The following NEK9 variants were observed in gnomAD, a reference collection of about 807,000 sequenced individuals.
NEK9 encodes NIMA related kinase 9, also known as serine/threonine-protein kinase Nek9.
In NEK9, 75 loss-of-function variants were observed where a neutral mutation model predicts 123.4. The ratio of observed to expected loss-of-function variants is 0.61; its 90% CI spans 0.50 to 0.74. The LOEUF is 0.74. Among genes scored for constraint, NEK9 ranks in the 30% least tolerant of loss-of-function variants. The pLI is 0.00. For synonymous variants in NEK9, 438 were observed against 458.7 expected (o/e 0.95, Z 0.58); for missense variants, 952 against 1,214.4 (o/e 0.78, Z 3.21).
rs774448002 is a variant in NEK9 at position 75,083,371 on chromosome 14, C to T, written c.*1193G>A. On this transcript the variant is annotated 3_prime_UTR_variant, in exon 22 of 22. Coordinates refer to ENST00000238616, the MANE Select transcript of NEK9 (RefSeq NM_033116.6). ...GGTAAAGCTAGCTTGTTTCTATCTA[C>T]AAAGACACAGTGAGTACAGGATTAG... The T allele has an allele frequency of 9.8e-6, 3 of 307,348 alleles. No individual in the cohort carries two copies. Among genetic ancestry groups the T allele is most frequent in the African/African-American group, 6.4e-5 (3 of 46,686 alleles). 19.0% of individuals were successfully genotyped at this position (307,348 alleles called of 1,614,324 possible).
At position 75,106,702 on chromosome 14, in the gene NEK9, T is replaced by C. The variant is rs1268463017; in HGVS notation, c.1328A>G (p.Asp443Gly). The change falls in exon 12 of 22, where the codon GAT (aspartate) becomes GGT (glycine). Residue 443 changes from aspartate (D) to glycine (G), a missense_variant and splice_region_variant. Physicochemically the swap from Asp to Gly is moderately conservative, Grantham distance 94 (BLOSUM62 -1). This residue lies in a region of NEK9 where 698 missense variants were observed against 875.6 expected (regional missense o/e 0.80). Coordinates refer to ENST00000238616, the MANE Select transcript of NEK9 (RefSeq NM_033116.6). Reference sequence around the variant, plus strand: ...TCCGAAGGCATAGAGCTGACCCTCATCTGCAAAAGAAAGGAAAACAGAATC... The same window carrying C: ...TCCGAAGGCATAGAGCTGACCCTCACCTGCAAAAGAAAGGAAAACAGAATC... ...CGDDFTVCVT[D>G]EGQLYAFGSD... 1.2e-6 allele frequency: 2 copies of C among 1,606,132 alleles called. No homozygotes were observed. The highest frequency in any genetic ancestry group is 2.2e-5 in the South Asian group (2 of 90,588).
rs1033552334 is a variant in NEK9 at position 75,116,416 on chromosome 14, C to A, written c.762+779G>T. The A allele has an allele frequency of 1.2e-5, 3 of 244,838 alleles. No individual in the cohort carries two copies. In the Admixed American group the frequency reaches 1.4e-4, roughly 12 times the overall value. 15.2% of individuals were successfully genotyped at this position (244,838 alleles called of 1,614,324 possible). On this transcript the variant is annotated intron_variant, in intron 6 of 21. Coordinates refer to ENST00000238616, the MANE Select transcript of NEK9 (RefSeq NM_033116.6). Reference sequence around the variant, plus strand: ...CACGACACTGCACTCCAGGCCTGGGCAACAGAGTGAGACCCAAATAAAACA... The same window carrying A: ...CACGACACTGCACTCCAGGCCTGGGAAACAGAGTGAGACCCAAATAAAACA...
chr14:75,109,889 C>G lies in NEK9; in HGVS notation c.990-12G>C. On this transcript the variant is annotated splice_polypyrimidine_tract_variant and intron_variant, in intron 9 of 21. Coordinates refer to ENST00000238616, the MANE Select transcript of NEK9 (RefSeq NM_033116.6). ...TCACAGTGCTTGACCTGCCAACAAC[C>G]CCCAGAACAAAGGAACATTTAACAT... The G allele has an allele frequency of 1.3e-6, 2 of 1,588,484 alleles. No individual in the cohort carries two copies. Among genetic ancestry groups the G allele is most frequent in the East Asian group, 2.2e-5 (1 of 44,464 alleles).
rs143597394 is a variant in NEK9, at chr14:75,124,193, C to A, written c.250G>T (p.Asp84Tyr). Residue 84 changes from aspartate to tyrosine, a missense_variant, in exon 2 of 22, where the codon GAT becomes TAT. Physicochemically the swap from Asp to Tyr is radical, Grantham distance 160. Coordinates refer to ENST00000238616, the MANE Select transcript of NEK9 (RefSeq NM_033116.6). ...DDSLVVWKEV[D>Y]LTRLSEKERR... ...TCCTTCTCAGACAGCCGGGTCAAAT[C>A]GACTTCCTTCCACACAACCAGTGAG... The A allele has an allele frequency of 6.2e-7, 1 of 1,613,998 alleles. No individual in the cohort carries two copies. The highest frequency in any genetic ancestry group is 8.5e-7 in the Non-Finnish European group (1 of 1,179,914).
chr14:75,105,896 T>C, intron 13 of NEK9, 54 bp downstream of exon 13: 1 of 1,333,364 alleles, frequency 7.5e-7, no homozygotes, highest in Non-Finnish European at 1.1e-6. Context: ...GACATATTAT[T>C]GGAGTCTGTG....
At chr14:75,084,725 C>A in intron 21 of NEK9, 39 bp from the exon 22 acceptor site, 38 of 1,613,128 alleles carry the variant, frequency 2.4e-5, no homozygotes, top group Non-Finnish European at 3.2e-5. Flanking sequence ...AGCAACAGTG[C>A]CACCTAGTCA....
rs906488638 is a variant in NEK9 at position 75,126,753 on chromosome 14, C to G, written c.169G>C (p.Val57Leu). 6.6e-6 allele frequency: 10 copies of G among 1,505,260 alleles called. No homozygotes were observed. The highest frequency in any genetic ancestry group is 8.9e-6 in the Non-Finnish European group (10 of 1,128,050). The allele number at this position is 1,505,260 out of a possible 1,614,324, so 93.2% of individuals were successfully genotyped here. ...TCCCCGAAGGCGCCGCGGCCCAGGA[C>G]GCGGATGGGGATGTAGTGCAGTTCC... ...QEELHYIPIRVLGRGAFGEAT... is the reference protein window; with the variant it reads ...QEELHYIPIRLLGRGAFGEAT... Residue 57 changes from valine (V) to leucine (L), a missense_variant, in exon 1 of 22, where the codon GTC (valine) becomes CTC (leucine). By Grantham distance (32) the Val-to-Leu change is conservative. This residue lies in a region of NEK9 where 120 missense variants were observed against 97.6 expected (regional missense o/e 1.23). Transcript: ENST00000238616.
chr14:75,114,362 C>A (rs775062861), intron 6 of NEK9, 49 bp from the exon 7 acceptor site: 2 of 1,380,304 alleles, frequency 1.4e-6, no homozygotes, highest in Non-Finnish European at 1.0e-6. Flanking sequence ...AAAGATGATG[C>A]TATACTCTAC....
rs928914215 is a variant in NEK9 at position 75,082,077 on chromosome 14, A to G, written c.*2487T>C. 1.3e-5 allele frequency: 2 copies of G among 152,238 alleles called. No individual in the cohort carries two copies. The highest frequency in any genetic ancestry group is 2.4e-5 in the African/African-American group (1 of 41,470). 9.4% of individuals were successfully genotyped at this position (152,238 alleles called of 1,614,324 possible). A position where few individuals can be genotyped will look rare whatever the true frequency, so the allele number is the denominator to read the frequency against. On this transcript the variant is annotated 3_prime_UTR_variant, in exon 22 of 22. Transcript: ENST00000238616. The stretch of plus-strand genomic sequence containing the variant: ...CTTAGAATCTGGATGTTTTATCCCC[A>G]GAGACTAAGGTCCATGCACAGGCTT...
chr14:75,090,893 T>A (rs920898701), intron 19 of NEK9, among the ~76,000 whole-genome samples: 1 of 152,188 alleles, frequency 6.6e-6, no homozygotes, highest in East Asian at 1.9e-4. Context: ...ACTTTCTGTA[T>A]CTCAACTTTC....
chr14:75,104,771 T>C (rs889612830), intron 13 of NEK9, among the ~76,000 whole-genome samples: 1 of 152,144 alleles, frequency 6.6e-6, no homozygotes, highest in African/African-American at 2.4e-5. Context: ...GCGTGAGCCA[T>C]TGTGCTCGGT....
intron 1 of NEK9, among the ~76,000 whole-genome samples, chr14:75,124,530 C>T (rs1895452337): frequency 6.6e-6 from 1 of 152,058 alleles, no homozygotes; most frequent in South Asian, 2.1e-4. Context: ...TGACAGACTG[C>T]TAATCATGAT....
chr14:75,105,136 G>T (rs1338508451), intron 13 of NEK9, among the ~76,000 whole-genome samples: 2 of 152,146 alleles, frequency 1.3e-5, no homozygotes. Flanking sequence ...CATGTGTGGG[G>T]TCACAATGGA....
intron 21 of NEK9, among the ~76,000 whole-genome samples, chr14:75,085,726 A>G (rs186597774): frequency 6.6e-6 from 1 of 152,202 alleles, no homozygotes; most frequent in East Asian, 1.9e-4. Flanking sequence ...TCATAAAAGT[A>G]TTTTTTTAAA....
At chr14:75,104,779 G>A (rs191987527) in intron 13 of NEK9, among the ~76,000 whole-genome samples, 62 of 152,324 alleles carry the variant, frequency 4.1e-4, no homozygotes, top group African/African-American at 1.2e-3. Flanking sequence ...CATTGTGCTC[G>A]GTCAAGGCTA....
chr14:75,111,092 C>A (rs189029069), intron 8 of NEK9, among the ~76,000 whole-genome samples: 2 of 152,206 alleles, frequency 1.3e-5, no homozygotes, highest in Admixed American at 6.5e-5. Flanking sequence ...CCTCTCATCA[C>A]GTGAACTGCC....
intron 8 of NEK9, among the ~76,000 whole-genome samples, chr14:75,111,209 T>TCCTA (rs1220107490): frequency 6.6e-6 from 1 of 152,204 alleles, no homozygotes. Flanking sequence ...ATGCAAGATT[T>TCCTA]CCTACCTATT....
At chr14:75,094,921 C>T (rs1053744295) in intron 18 of NEK9, among the ~76,000 whole-genome samples, 6 of 152,144 alleles carry the variant, frequency 3.9e-5, no homozygotes, top group African/African-American at 1.2e-4. Flanking sequence ...ACCATGAAGA[C>T]AGCAGTCAAA....
In NEK9 at chr14:75,103,990, A is replaced by T; in HGVS notation, c.1583T>A (p.Val528Asp). 6 of 1,604,284 alleles carry T rather than the reference A, an allele frequency of 3.7e-6. No individual in the cohort carries two copies. The South Asian group carries it at 6.8e-5, about 18-fold the overall frequency. The change falls in exon 14 of 22, where the codon GTT (valine) becomes GAT (aspartate). Residue 528 changes from valine (V) to aspartate (D), a missense_variant. Val to Asp is a radical substitution (Grantham distance 152). Transcript: ENST00000238616. ...EDYYTPQKVDVPKALIIVAVQ... is the reference protein window; with the variant it reads ...EDYYTPQKVDDPKALIIVAVQ... ...TGCAACAATAATCAAGGCCTTGGGA[A>T]CATCCACCTGCAAGAAAAAAATCAG...
Sources: allele counts gnomAD v4.1 joint callset (sites outside exome capture counted in the v4.1 genomes callset), GRCh38; gene constraint gnomAD v4.1.1; regional missense constraint gnomAD v4.1.1; transcripts MANE v1.5; gene names NCBI Gene and HGNC (gene_info 2026-07-23, HGNC 2026-07-21).